CCDC18: variants seen among roughly 807,000 people sequenced by gnomAD.
The protein encoded by CCDC18 is coiled-coil domain-containing protein 18.
In CCDC18, 157 loss-of-function variants were observed where a neutral mutation model predicts 196.0. The observed-to-expected ratio is 0.80, with a 90% CI of 0.70 to 0.91. CCDC18 has a LOEUF of 0.91. CCDC18 is among the 40% of genes least tolerant of loss of function. The pLI is 0.00. For synonymous variants in CCDC18, 482 were observed against 529.2 expected, an observed-to-expected ratio of 0.91 and a Z score of 1.22; for missense variants, 1,465 against 1,611.6, an observed-to-expected ratio of 0.91 and a Z score of 1.56.
At chr1:93,255,474 T>C (rs577144841) in intron 24 of CCDC18, among the ~76,000 whole-genome samples, 3 of 152,302 alleles carry the variant, frequency 2.0e-5, no homozygotes, top group South Asian at 2.1e-4. Context: ...CTCACACTTA[T>C]AATCCCAGCA....
chr1:93,186,034 A>T lies in CCDC18; in HGVS notation c.304-311A>T, dbSNP rs137878777. The stretch of plus-strand genomic sequence containing the variant: ...ATATCTGCACGTGAAAAAGTACAAA[A>T]GTTTTTATCAGGTTTATGTCTAGGG... On this transcript the variant is annotated intron_variant, in intron 3 of 28. Coordinates refer to ENST00000690025, the MANE Select transcript of CCDC18 (RefSeq NM_001378204.1). Among the ~76,000 whole-genome samples, 693 of 152,028 alleles carry T rather than the reference A, an allele frequency of 4.6e-3. 9 individuals carry two copies. Among genetic ancestry groups the T allele is most frequent in the African/African-American group, 0.016 (653 of 41,534 alleles).
chr1:93,256,512 G>C lies in CCDC18; in HGVS notation c.3520G>C (p.Asp1174His). 6.2e-7 allele frequency: 1 copy of C among 1,613,682 alleles called. No homozygotes were observed. Among genetic ancestry groups the C allele is most frequent in the Non-Finnish European group, 8.5e-7 (1 of 1,179,674 alleles). ...AGAAAGGCTCTCTAGTGAACTGGAG[G>C]ATATGAAGCAACTCTCTAAAGAGAA... ...EIERLSSELEDMKQLSKEKDA... is the reference protein window; with the variant it reads ...EIERLSSELEHMKQLSKEKDA... The change falls in exon 25 of 29, where the codon GAT becomes CAT. Residue 1174 changes from aspartate (D) to histidine (H), a missense_variant. Physicochemically the swap from Asp to His is moderately conservative, Grantham distance 81 (BLOSUM62 -1). Coordinates refer to ENST00000690025, the MANE Select transcript of CCDC18 (RefSeq NM_001378204.1).
chr1:93,219,799 A>G (rs1310668396), intron 14 of CCDC18, among the ~76,000 whole-genome samples: 1 of 152,232 alleles, frequency 6.6e-6, no homozygotes, highest in East Asian at 1.9e-4. Context: ...GGAGCAGACA[A>G]GAGGAAAAAG....
At chr1:93,185,254 G>T (rs1650442483) in intron 3 of CCDC18, among the ~76,000 whole-genome samples, 2 of 151,796 alleles carry the variant, frequency 1.3e-5, no homozygotes, top group African/African-American at 4.8e-5. Context: ...TTGGGTACGG[G>T]TACATTGCCT....
At chr1:93,248,098 C>T (rs1331905157) in intron 23 of CCDC18, among the ~76,000 whole-genome samples, 1 of 148,160 alleles carries the variant, frequency 6.7e-6, no homozygotes, top group Admixed American at 6.8e-5. Context: ...TCACTGCAAC[C>T]TCCGCCTCCC....
intron 4 of CCDC18, among the ~76,000 whole-genome samples, chr1:93,189,946 C>T (rs980899981): frequency 5.9e-5 from 9 of 152,212 alleles, no homozygotes; most frequent in African/African-American, 2.2e-4. Context: ...CAGGATTGAG[C>T]TACCGCGCCT....
Position 93,212,074 on chromosome 1 carries a change from T to C in CCDC18, c.1335-27T>C, listed in dbSNP as rs765713225. On this transcript the variant is annotated intron_variant, in intron 10 of 28. Coordinates refer to ENST00000690025, the MANE Select transcript of CCDC18 (RefSeq NM_001378204.1). The stretch of plus-strand genomic sequence containing the variant: ...TTTTTTTATAGAATCTTTCTAATAA[T>C]TTTTCCCTTCTTTTCTTTTGTGCCA... The C allele has an allele frequency of 8.9e-6, 14 of 1,570,162 alleles. No homozygotes were observed. In the South Asian group the frequency reaches 1.4e-4, roughly 16 times the overall value.
At chr1:93,189,862 T>G (rs1367151136) in intron 4 of CCDC18, among the ~76,000 whole-genome samples, 2 of 152,086 alleles carry the variant, frequency 1.3e-5, no homozygotes, top group Non-Finnish European at 2.9e-5. Context: ...AGATGGAGTT[T>G]TGCCATGTTG....
intron 23 of CCDC18, among the ~76,000 whole-genome samples, chr1:93,247,793 GAT>G (rs1327760541): frequency 1.3e-5 from 2 of 152,002 alleles, no homozygotes; most frequent in African/African-American, 4.8e-5. Flanking sequence ...TGCAAACAAG[GAT>G]AATTTAACTT....
chr1:93,267,187 CA>C (rs1309552415), intron 27 of CCDC18, among the ~76,000 whole-genome samples: 1 of 152,142 alleles, frequency 6.6e-6, no homozygotes, highest in Non-Finnish European at 1.5e-5. Context: ...AAACCAAAGA[CA>C]AAAACCACAT....
rs754022599 is a variant in CCDC18 at position 93,254,624 on chromosome 1, T to C, written c.3342+10T>C. The C allele has an allele frequency of 6.2e-7, 1 of 1,604,492 alleles. No homozygotes were observed. Among genetic ancestry groups the C allele is most frequent in the Admixed American group, 1.7e-5 (1 of 57,792 alleles). Reference sequence around the variant, plus strand: ...GAAAGAAATGGAGAGTGTAAGCAAATTATTTCCACCTAAGGAACAAGTGGT... The same window carrying C: ...GAAAGAAATGGAGAGTGTAAGCAAACTATTTCCACCTAAGGAACAAGTGGT... On this transcript the variant is annotated intron_variant, in intron 24 of 28. Coordinates refer to ENST00000690025, the MANE Select transcript of CCDC18 (RefSeq NM_001378204.1).
intron 11 of CCDC18, among the ~76,000 whole-genome samples, chr1:93,213,423 C>G (rs892854320): frequency 1.6e-4 from 24 of 146,654 alleles, no homozygotes; most frequent in African/African-American, 5.8e-4. Flanking sequence ...TTTTTTTTTT[C>G]CAAAAAAACC....
chr1:93,223,289 C>CA (rs1464259575), intron 16 of CCDC18, among the ~76,000 whole-genome samples: 2 of 152,130 alleles, frequency 1.3e-5, no homozygotes, highest in African/African-American at 4.8e-5. Context: ...ATTCCTTTAA[C>CA]ATCTTTAGCA....
chr1:93,275,613 A>G (rs1665580073), intron 28 of CCDC18, among the ~76,000 whole-genome samples: 1 of 152,214 alleles, frequency 6.6e-6, no homozygotes, highest in South Asian at 2.1e-4. Flanking sequence ...AGTTTATCTG[A>G]TTGGGGGTAG....
At chr1:93,195,189 C>T (rs1011775388) in intron 6 of CCDC18, among the ~76,000 whole-genome samples, 1 of 152,068 alleles carries the variant, frequency 6.6e-6, no homozygotes, top group Non-Finnish European at 1.5e-5. Context: ...ACTTTGGCTT[C>T]ACAAAGTGAG....
chr1:93,270,438 C>G lies in CCDC18; in HGVS notation c.3977C>G (p.Thr1326Arg). 6.4e-7 allele frequency: 1 copy of G among 1,550,418 alleles called. No individual in the cohort carries two copies. Among genetic ancestry groups the G allele is most frequent in the Non-Finnish European group, 8.7e-7 (1 of 1,146,868 alleles). The change falls in exon 28 of 29, where the codon ACA becomes AGA. Residue 1326 changes from threonine (T) to arginine (R), a missense_variant. Physicochemically the swap from Thr to Arg is moderately conservative, Grantham distance 71. Transcript: ENST00000690025. ...CTGCCAGCCCCATTTACATCTCCAA[C>G]AGAAATTATGCCTGATGTTCAAGAT... The part of the protein sequence containing the change: ...KFLPAPFTSP[T>R]EIMPDVQDPK...
In CCDC18 at chr1:93,189,898, C is replaced by T. The variant is rs373372760; in HGVS notation, c.463-2102C>T. Among the ~76,000 whole-genome samples, 170 of 152,284 alleles carry T rather than the reference C, an allele frequency of 1.1e-3. 4 individuals carry two copies. In the South Asian group the frequency reaches 0.015, roughly 13 times the overall value. On this transcript the variant is annotated intron_variant, in intron 4 of 28. Transcript: ENST00000690025. Reference sequence around the variant, plus strand: ...CCCAGGCTGATTTTGAACTCCTGGACTCAAGCGATCCACCCACCTCCCAAA... The same window carrying T: ...CCCAGGCTGATTTTGAACTCCTGGATTCAAGCGATCCACCCACCTCCCAAA...
intron 26 of CCDC18, among the ~76,000 whole-genome samples, chr1:93,264,454 A>C (rs1307504915): frequency 6.6e-6 from 1 of 152,206 alleles, no homozygotes. Context: ...TTATTTGTTC[A>C]AATCAGTACC....
chr1:93,220,443 G>T lies in CCDC18; in HGVS notation c.1963-1166G>T, dbSNP rs865993941. On this transcript the variant is annotated intron_variant, in intron 14 of 28. Coordinates refer to ENST00000690025, the MANE Select transcript of CCDC18 (RefSeq NM_001378204.1). ...GAAACTTGGGACCTCAGGAATAAAGGAAGAACAACAAAAACAGTAAATATT... is the reference window on the plus strand; with the variant it reads ...GAAACTTGGGACCTCAGGAATAAAGTAAGAACAACAAAAACAGTAAATATT... 9.8e-4 allele frequency among the ~76,000 whole-genome samples: 144 copies of T among 147,600 alleles called. 1 individual carries two copies. The Middle Eastern group carries it at 0.01, about 11-fold the overall frequency.
Sources: allele counts gnomAD v4.1 joint callset (sites outside exome capture counted in the v4.1 genomes callset), GRCh38; gene constraint gnomAD v4.1.1; transcripts MANE v1.5; gene names NCBI Gene and HGNC (gene_info 2026-07-23, HGNC 2026-07-21).